ASIC2: variants seen among roughly 807,000 people sequenced by gnomAD.
The protein encoded by ASIC2 is acid sensing ion channel subunit 2.
A neutral mutation model predicts 57.3 loss-of-function variants in ASIC2; 25 were observed. The ratio of observed to expected loss-of-function variants is 0.44; its 90% CI spans 0.32 to 0.61. ASIC2 has a LOEUF of 0.61. Among genes scored for constraint, ASIC2 ranks in the 20% least tolerant of loss-of-function variants. The pLI, the probability that ASIC2 is intolerant of heterozygous loss-of-function variation, is 0.06. For synonymous variants in ASIC2, 319 were observed against 307.5 expected, an observed-to-expected ratio of 1.04 and a Z score of -0.39; for missense variants, 641 against 738.1, an observed-to-expected ratio of 0.87 and a Z score of 1.52.
At chr17:33,223,034 C>T (rs1339326933) in intron 1 of ASIC2, among the ~76,000 whole-genome samples, 1 of 152,144 alleles carries the variant, frequency 6.6e-6, no homozygotes, top group Non-Finnish European at 1.5e-5. Flanking sequence ...ATCAGATTCT[C>T]ACCAGAGAGC....
intron 1 of ASIC2, among the ~76,000 whole-genome samples, chr17:34,132,289 G>C (rs188524165): frequency 1.3e-5 from 2 of 152,092 alleles, no homozygotes; most frequent in Non-Finnish European, 1.5e-5. Flanking sequence ...GCTCTTAAAG[G>C]TTGCGCAGAC....
At chr17:33,371,131 C>G (rs1355649477) in intron 1 of ASIC2, among the ~76,000 whole-genome samples, 2 of 152,128 alleles carry the variant, frequency 1.3e-5, no homozygotes, top group Non-Finnish European at 2.9e-5. Flanking sequence ...ATATTATTGT[C>G]TTTAAAGCAA....
intron 1 of ASIC2, among the ~76,000 whole-genome samples, chr17:33,783,142 T>C (rs1911507651): frequency 1.3e-5 from 2 of 152,214 alleles, no homozygotes; most frequent in African/African-American, 4.8e-5. Flanking sequence ...TTGGCACCCA[T>C]GGCTAGCAGA....
At chr17:34,151,146 G>A (rs2142144170) in intron 1 of ASIC2, among the ~76,000 whole-genome samples, 1 of 149,744 alleles carries the variant, frequency 6.7e-6, no homozygotes, top group African/African-American at 2.4e-5. Flanking sequence ...GAGTAGGAAA[G>A]GTCCGTGAGT....
At chr17:33,527,655 AC>A (rs1471709972) in intron 1 of ASIC2, among the ~76,000 whole-genome samples, 3 of 152,248 alleles carry the variant, frequency 2.0e-5, no homozygotes, top group Admixed American at 6.5e-5. Flanking sequence ...TTTAAAGAGA[AC>A]CCCCTGACAC....
At chr17:33,200,220 A>G (rs891554465) in intron 1 of ASIC2, among the ~76,000 whole-genome samples, 1 of 152,206 alleles carries the variant, frequency 6.6e-6, no homozygotes, top group African/African-American at 2.4e-5. Context: ...CTTGGACTGA[A>G]GGCGAGTCTC....
At chr17:33,335,960 T>A (rs1242921695) in intron 1 of ASIC2, among the ~76,000 whole-genome samples, 1 of 152,146 alleles carries the variant, frequency 6.6e-6, no homozygotes, top group East Asian at 1.9e-4. Flanking sequence ...AGGGGTGATA[T>A]TTGAGTCTCC....
At chr17:33,655,215 C>T (rs193012117) in intron 1 of ASIC2, among the ~76,000 whole-genome samples, 5 of 152,326 alleles carry the variant, frequency 3.3e-5, no homozygotes, top group African/African-American at 1.2e-4. Context: ...TCAATTAAGC[C>T]TACCTGTAAA....
At chr17:33,985,492 T>C (rs1905785979) in intron 1 of ASIC2, among the ~76,000 whole-genome samples, 1 of 151,776 alleles carries the variant, frequency 6.6e-6, no homozygotes, top group South Asian at 2.1e-4. Context: ...AATAGAGAGG[T>C]TTTAGAATAC....
At chr17:33,904,697 C>T (rs1484511275) in intron 1 of ASIC2, among the ~76,000 whole-genome samples, 3 of 152,162 alleles carry the variant, frequency 2.0e-5, no homozygotes, top group Non-Finnish European at 4.4e-5. Context: ...TTAGAACCAC[C>T]TGAAGAGCAT....
intron 1 of ASIC2, among the ~76,000 whole-genome samples, chr17:33,151,369 G>A (rs1228667144): frequency 6.6e-6 from 1 of 150,598 alleles, no homozygotes; most frequent in Non-Finnish European, 1.5e-5. Flanking sequence ...GAGATACTTT[G>A]TCTCAAGAAA....
chr17:33,113,807 G>T (rs2092269960), intron 1 of ASIC2, among the ~76,000 whole-genome samples: 1 of 152,224 alleles, frequency 6.6e-6, no homozygotes, highest in Admixed American at 6.5e-5. Flanking sequence ...TAAGTGACTT[G>T]CCTAAGGTCA....
rs1395692216 is a variant in ASIC2 at position 33,291,960 on chromosome 17, C to A, written c.156G>T (p.Gly52=). 1.4e-6 allele frequency: 2 copies of A among 1,434,414 alleles called. No individual in the cohort carries two copies. The highest frequency in any genetic ancestry group is 3.0e-5 in the South Asian group (2 of 66,834). 88.9% of individuals were successfully genotyped at this position (1,434,414 alleles called of 1,614,324 possible). ...GCGATGGCCGCCCCCTGCGGGCGAC[C>A]CCTGGCCCCTGCAGCGCCCGCTCGC... ...RGGERALQGP[G]VARRGRPSLS... The change falls in exon 1 of 10, where the codon GGG becomes GGT. Residue 52 remains glycine, a synonymous_variant. Transcript: ENST00000225823.
chr17:33,106,092 G>T (rs932080743), intron 2 of ASIC2, among the ~76,000 whole-genome samples: 1 of 152,150 alleles, frequency 6.6e-6, no homozygotes, highest in Non-Finnish European at 1.5e-5. Flanking sequence ...GGATATGTGA[G>T]CAAGGAGAAT....
chr17:33,362,914 G>A (rs1260808513), intron 1 of ASIC2, among the ~76,000 whole-genome samples: 1 of 152,182 alleles, frequency 6.6e-6, no homozygotes, highest in Non-Finnish European at 1.5e-5. Context: ...CTTTGGAATT[G>A]CCCATCTTAC....
intron 1 of ASIC2, among the ~76,000 whole-genome samples, chr17:33,946,064 A>G (rs142385668): frequency 5.3e-5 from 8 of 152,284 alleles, no homozygotes; most frequent in African/African-American, 1.9e-4. Context: ...AACTGTGATT[A>G]AGGCACTATG....
intron 1 of ASIC2, among the ~76,000 whole-genome samples, chr17:33,452,738 G>GGTGTGT (rs35126239): frequency 0.26 from 36,993 of 140,270 alleles, 4,923 homozygotes; most frequent in Middle Eastern, 0.29. Context: ...AACAGAGTGG[G>GGTGTGT]GTGTGTGTGT....
chr17:33,095,813 G>A (rs1899240867), intron 2 of ASIC2, among the ~76,000 whole-genome samples: 1 of 152,238 alleles, frequency 6.6e-6, no homozygotes, highest in Admixed American at 6.5e-5. Context: ...TCTGGTCTCT[G>A]CTGCTCATTT....
chr17:33,776,692 G>C (rs1312490027), intron 1 of ASIC2, among the ~76,000 whole-genome samples: 1 of 152,166 alleles, frequency 6.6e-6, no homozygotes. Context: ...GTGGTGCTGA[G>C]TGAGTTCCTG....
Sources: gnomAD v4.1 joint callset for allele counts (sites outside exome capture counted in the v4.1 genomes callset) on GRCh38, gnomAD v4.1.1 for gene constraint, MANE v1.5 for transcripts, NCBI Gene and HGNC (gene_info 2026-07-23, HGNC 2026-07-21) for gene names.